SPEF2: variants seen among roughly 807,000 people sequenced by gnomAD.
SPEF2 encodes the protein sperm flagellar and cilia associated 2.
A neutral mutation model predicts 224.6 loss-of-function variants in SPEF2; 187 were observed. That is an observed-to-expected ratio of 0.83 (90% confidence interval 0.74 to 0.94). The LOEUF (loss-of-function observed/expected upper bound fraction) is 0.94. Ranked by LOEUF, SPEF2 falls within the 40% of genes least tolerant of loss-of-function variation. The pLI, the probability that SPEF2 is intolerant of heterozygous loss-of-function variation, is 0.00. For missense variants in SPEF2, 2,170 were observed against 2,135.6 expected, an observed-to-expected ratio of 1.02 and a Z score of -0.32; for synonymous variants, 715 against 707.3, an observed-to-expected ratio of 1.01 and a Z score of -0.17.
intron 20 of SPEF2, among the ~76,000 whole-genome samples, chr5:35,714,704 A>ATTTG (rs1237030662): frequency 6.8e-6 from 1 of 147,926 alleles, no homozygotes; most frequent in Non-Finnish European, 1.5e-5. Context: ...TTATTTATTT[A>ATTTG]TTTATTTATT....
intron 5 of SPEF2, 136 bp from the exon 6 acceptor site, chr5:35,649,225 T>C: frequency 1.5e-6 from 1 of 673,814 alleles, no homozygotes; most frequent in South Asian, 2.7e-5. Flanking sequence ...AAAAAAATTT[T>C]TAGAATGCAG....
intron 36 of SPEF2, chr5:35,807,795 C>T: frequency 6.5e-7 from 1 of 1,535,308 alleles, no homozygotes; most frequent in Non-Finnish European, 8.7e-7. Flanking sequence ...ACTCAGAAAT[C>T]ACATAACCAC....
chr5:35,644,646 A>C, intron 4 of SPEF2, 121 bp downstream of exon 4: 1 of 685,192 alleles, frequency 1.5e-6, no homozygotes, highest in Non-Finnish European at 2.2e-6. Flanking sequence ...CTGATGCATG[A>C]CTTTGTCCTG....
rs1426145143 is a variant in SPEF2, at chr5:35,664,113, T to G, written c.1168-2959T>G. Among the ~76,000 whole-genome samples the G allele has an allele frequency of 9.9e-5, 15 of 152,094 alleles. 1 individual carries two copies. The highest frequency in any genetic ancestry group is 2.2e-4 in the Non-Finnish European group (15 of 67,996). ...TTTCAAAGCTCCATGCATATGCCCC[T>G]TCTTGTCTAGGTCAGGCCTCATACC... On this transcript the variant is annotated intron_variant, in intron 8 of 36. Transcript: ENST00000356031.
chr5:35,793,867 G>C (rs181667851), intron 32 of SPEF2, among the ~76,000 whole-genome samples: 1 of 152,156 alleles, frequency 6.6e-6, no homozygotes, highest in Non-Finnish European at 1.5e-5. Context: ...GAAATGAAGA[G>C]AGAAATGTCC....
chr5:35,679,837 A>G (rs1031745147), intron 10 of SPEF2, among the ~76,000 whole-genome samples: 1 of 152,068 alleles, frequency 6.6e-6, no homozygotes, highest in African/African-American at 2.4e-5. Context: ...GCTCTAATCT[A>G]TTGCTACCCA....
At chr5:35,721,239 A>C (rs77949097) in intron 20 of SPEF2, among the ~76,000 whole-genome samples, 5,970 of 152,300 alleles carry the variant, frequency 0.039, 196 homozygotes, top group African/African-American at 0.075. Context: ...ATACAATCCT[A>C]TAACCCTAGG....
intron 21 of SPEF2, among the ~76,000 whole-genome samples, chr5:35,730,164 A>G (rs909156205): frequency 6.6e-6 from 1 of 152,202 alleles, no homozygotes; most frequent in African/African-American, 2.4e-5. Context: ...AAATGATGGG[A>G]GAGAGATTGA....
At chr5:35,766,567 A>G (rs1752120361) in intron 26 of SPEF2, among the ~76,000 whole-genome samples, 1 of 151,900 alleles carries the variant, frequency 6.6e-6, no homozygotes, top group African/African-American at 2.4e-5. Flanking sequence ...GCTTAGCCAG[A>G]TGTTTATCAG....
At chr5:35,764,449 C>A in intron 26 of SPEF2, 1 of 397,574 alleles carries the variant, frequency 2.5e-6, no homozygotes, top group Middle Eastern at 3.6e-4. Context: ...GAGGCATACA[C>A]ATAACTTTAA....
chr5:35,752,911 T>G (rs1749884177), intron 23 of SPEF2, among the ~76,000 whole-genome samples: 1 of 150,274 alleles, frequency 6.7e-6, no homozygotes, highest in Admixed American at 6.7e-5. Flanking sequence ...ATAACTATTT[T>G]TATTATATTT....
chr5:35,718,430 A>G (rs940703439), intron 20 of SPEF2, among the ~76,000 whole-genome samples: 17 of 152,068 alleles, frequency 1.1e-4, no homozygotes. Context: ...AAGATGAATG[A>G]CCACCCATCT....
intron 20 of SPEF2, 31 bp downstream of exon 20, chr5:35,712,917 T>G (rs758567952): frequency 6.3e-7 from 1 of 1,578,328 alleles, no homozygotes; most frequent in South Asian, 1.1e-5. Flanking sequence ...TATAATTACA[T>G]GTAATTCTGC....
At chr5:35,708,828 C>A in intron 18 of SPEF2, 120 bp from the exon 19 acceptor site, 1 of 906,606 alleles carries the variant, frequency 1.1e-6, no homozygotes, top group Non-Finnish European at 1.7e-6. Context: ...AGCCCTAAAG[C>A]ATGAATTAGC....
intron 11 of SPEF2, 113 bp from the exon 12 acceptor site, chr5:35,692,457 A>G: frequency 1.4e-6 from 1 of 735,234 alleles, no homozygotes; most frequent in South Asian, 2.4e-5. Context: ...GATCCAAAAG[A>G]CTGTTCTAGC....
At chr5:35,768,292 G>A (rs1412962759) in intron 26 of SPEF2, among the ~76,000 whole-genome samples, 1 of 152,006 alleles carries the variant, frequency 6.6e-6, no homozygotes, top group Non-Finnish European at 1.5e-5. Context: ...CAGAAAGTGG[G>A]AAACCAGACG....
intron 10 of SPEF2, among the ~76,000 whole-genome samples, chr5:35,689,553 A>G (rs1463067956): frequency 6.6e-5 from 10 of 152,216 alleles, no homozygotes; most frequent in Non-Finnish European, 1.5e-5. Flanking sequence ...TCTCATCGTT[A>G]TGTCCATGTA....
At chr5:35,671,145 T>C (rs966301470) in intron 10 of SPEF2, 3 of 985,236 alleles carry the variant, frequency 3.0e-6, no homozygotes, top group Admixed American at 6.2e-5. Flanking sequence ...AAAAAATCTA[T>C]GAAAAGATTA....
At chr5:35,753,551 T>G in intron 23 of SPEF2, 73 bp from the exon 24 acceptor site, 1 of 1,595,200 alleles carries the variant, frequency 6.3e-7, no homozygotes, top group Non-Finnish European at 8.6e-7. Context: ...GCAAAGGATT[T>G]TAGTTTTATT....
Sources: gnomAD v4.1 joint callset for allele counts (sites outside exome capture counted in the v4.1 genomes callset) on GRCh38, gnomAD v4.1.1 for gene constraint, MANE v1.5 for transcripts, NCBI Gene and HGNC (gene_info 2026-07-23, HGNC 2026-07-21) for gene names.